Variants in TXNIP observed in about 807,000 individuals in gnomAD.
TXNIP encodes the protein thioredoxin interacting protein.
In TXNIP, 23 loss-of-function variants were observed where a neutral mutation model predicts 43.9. The observed-to-expected ratio is 0.52, with a 90% CI of 0.38 to 0.74. TXNIP has a LOEUF of 0.74. Ranked by LOEUF, TXNIP falls within the 30% of genes least tolerant of loss-of-function variation. The probability of loss-of-function intolerance (pLI) is 0.00; values close to 1 mark genes in which losing one functional copy is unlikely to be tolerated. For missense variants in TXNIP, 555 were observed against 485.4 expected (o/e 1.14, Z -1.35); for synonymous variants, 234 against 172.2 (o/e 1.36, Z -2.81).
intron 1 of TXNIP, chr1:145,995,689 AG>A (rs1553766430): frequency 1.6e-6 from 1 of 626,252 alleles, no homozygotes; most frequent in African/African-American, 1.8e-5. Context: ...CAATACTGAA[AG>A]ATTCACCCAG....
chr1:145,994,181 T>C lies in TXNIP; in HGVS notation c.989-14A>G. The C allele has an allele frequency of 3.1e-6, 5 of 1,613,650 alleles. No homozygotes were observed. The highest frequency in any genetic ancestry group is 3.4e-6 in the Non-Finnish European group (4 of 1,179,818). On this transcript the variant is annotated splice_polypyrimidine_tract_variant and intron_variant, in intron 6 of 7. Transcript: ENST00000582401. ...AGCAGGGAGGAGCTAGAAAAGAAAA[T>C]ATGGCCACATAAGAATCCTGCCCAA...
At chr1:145,994,502 G>C in intron 5 of TXNIP, 42 bp downstream of exon 5, 1 of 1,613,436 alleles carries the variant, frequency 6.2e-7, no homozygotes, top group Non-Finnish European at 8.5e-7. Flanking sequence ...TGTGGTAACA[G>C]ATGAACAATT....
At chr1:145,993,977 G>C (rs1553765831) in intron 7 of TXNIP, 39 bp downstream of exon 7, 2 of 1,613,886 alleles carry the variant, frequency 1.2e-6, no homozygotes, top group South Asian at 2.2e-5. Flanking sequence ...CTTATAGAAA[G>C]CTTAGGACAA....
rs1651225443 is a variant in TXNIP, at chr1:145,992,948, A to C, written c.*903T>G. 1 of 152,790 alleles carries C rather than the reference A, an allele frequency of 6.5e-6. No individual in the cohort carries two copies. The highest frequency in any genetic ancestry group is 2.4e-5 in the African/African-American group (1 of 41,576). 9.5% of individuals were successfully genotyped at this position (152,790 alleles called of 1,614,324 possible). A position where few individuals can be genotyped will look rare whatever the true frequency, so the allele number is the denominator to read the frequency against. On this transcript the variant is annotated 3_prime_UTR_variant, in exon 8 of 8. Coordinates refer to ENST00000582401, the MANE Select transcript of TXNIP (RefSeq NM_006472.6). ...CATTGGGGCAATCTCAAAAGTAGTA[A>C]AATTTTTTTTGTCTTTTGGCTTAAC...
chr1:145,994,110 G>C lies in TXNIP; in HGVS notation c.1046C>G (p.Thr349Ser), dbSNP rs1553765905. 1 of 1,614,198 alleles carries C rather than the reference G, an allele frequency of 6.2e-7. No individual in the cohort carries two copies. Among genetic ancestry groups the C allele is most frequent in the East Asian group, 2.2e-5 (1 of 44,890 alleles). The change falls in exon 7 of 8, where the codon ACT (threonine) becomes AGT (serine). Residue 349 changes from threonine (T) to serine (S), a missense_variant. By Grantham distance (58) the Thr-to-Ser change is moderately conservative. Coordinates refer to ENST00000582401, the MANE Select transcript of TXNIP (RefSeq NM_006472.6). ...PEDHRLESPT[T>S]PLLDDMDGSQ... ...GCCATCCATGTCATCTAGCAGAGGA[G>C]TGGTTGGGCTCTCCAATCGGTGATC...
Position 145,996,225 on chromosome 1 carries a change from A to G in TXNIP, c.42T>C (p.Phe14=), listed in dbSNP as rs1571022111. 1.2e-6 allele frequency: 2 copies of G among 1,614,084 alleles called. No individual in the cohort carries two copies. Among genetic ancestry groups the G allele is most frequent in the South Asian group, 2.2e-5 (2 of 91,082 alleles). The part of the protein sequence containing the change: ...FKKIKSFEVV[F]NDPEKVYGSG... ...TGCCGTACACCTTTTCAGGGTCGTT[A>G]AAGACCACCTCAAAAGACTTGATCT... Residue 14 remains phenylalanine (F), a synonymous_variant, in exon 1 of 8, where the codon TTT becomes TTC. Transcript: ENST00000582401.
chr1:145,994,504 T>C (rs1553766048), intron 5 of TXNIP, 40 bp downstream of exon 5: 2 of 1,613,446 alleles, frequency 1.2e-6, no homozygotes, highest in Middle Eastern at 1.6e-4. Flanking sequence ...TGGTAACAGA[T>C]GAACAATTTC....
rs782040268 is a variant in TXNIP, at chr1:145,993,728, G to A, written c.*123C>T. The A allele has an allele frequency of 6.1e-6, 7 of 1,140,232 alleles. No homozygotes were observed. Among genetic ancestry groups the A allele is most frequent in the Non-Finnish European group, 8.7e-6 (7 of 801,210 alleles). 70.6% of individuals were successfully genotyped at this position (1,140,232 alleles called of 1,614,324 possible). A position where few individuals can be genotyped will look rare whatever the true frequency, so the allele number is the denominator to read the frequency against. ...TGCTGACCACCTCCTACATTAGGAA[G>A]TCAGAGGCTAAGGTGGACCCACACT... is the stretch of plus-strand genomic sequence containing the variant. On this transcript the variant is annotated 3_prime_UTR_variant, in exon 8 of 8. Coordinates refer to ENST00000582401, the MANE Select transcript of TXNIP (RefSeq NM_006472.6).
chr1:145,994,956 G>C lies in TXNIP; in HGVS notation c.547C>G (p.Arg183Gly). ...TCACAGAATCCTTTTCTGTCAATTC[G>C]AGCAGAGACAGACACCCGCCCATCA... ...IPDGRVSVSA[R>G]IDRKGFCEGD... The change falls in exon 4 of 8, where the codon CGA (arginine) becomes GGA (glycine). Residue 183 changes from arginine (R) to glycine (G), a missense_variant. Coordinates refer to ENST00000582401, the MANE Select transcript of TXNIP (RefSeq NM_006472.6). 1 of 1,614,078 alleles carries C rather than the reference G, an allele frequency of 6.2e-7. No individual in the cohort carries two copies. Among genetic ancestry groups the C allele is most frequent in the East Asian group, 2.2e-5 (1 of 44,888 alleles).
chr1:145,994,937 A>G lies in TXNIP; in HGVS notation c.566T>C (p.Phe189Ser). Reference protein sequence around the residue: ...SVSARIDRKGFCEGDEISIHA... With the variant: ...SVSARIDRKGSCEGDEISIHA... ...AAGCACTAGGATTTTACCTTCACAG[A>G]ATCCTTTTCTGTCAATTCGAGCAGA... Residue 189 changes from phenylalanine to serine, a missense_variant, in exon 4 of 8, where the codon TTC (phenylalanine) becomes TCC (serine). Physicochemically the swap from Phe to Ser is radical, Grantham distance 155 (BLOSUM62 -2). Transcript: ENST00000582401. The G allele has an allele frequency of 6.2e-7, 1 of 1,614,162 alleles. No individual in the cohort carries two copies. Among genetic ancestry groups the G allele is most frequent in the Non-Finnish European group, 8.5e-7 (1 of 1,180,026 alleles).
In TXNIP at chr1:145,996,280, T is replaced by G. The variant is rs782487631; in HGVS notation, c.-14A>C. ...GAACATCACCATGATGGAACTGAGT[T>G]GGTTTTAAGAGTTAGAAATGACGGT... On this transcript the variant is annotated 5_prime_UTR_variant, in exon 1 of 8. Coordinates refer to ENST00000582401, the MANE Select transcript of TXNIP (RefSeq NM_006472.6). The G allele has an allele frequency of 5.0e-6, 8 of 1,609,420 alleles. No individual in the cohort carries two copies. In the East Asian group the frequency reaches 1.6e-4, roughly 31 times the overall value.
rs1458133180 is a variant in TXNIP at position 145,994,157 on chromosome 1, G to A, written c.999C>T (p.Cys333=). The change falls in exon 7 of 8, where the codon TGC becomes TGT. Residue 333 remains cysteine, a synonymous_variant. Transcript: ENST00000582401. The part of the protein sequence containing the change: ...NIPDTPEAPP[C]YMDVIPEDHR... ...GATCTTCAGGAATGACATCCATATA[G>A]CAGGGAGGAGCTAGAAAAGAAAATA... 1 of 1,614,086 alleles carries A rather than the reference G, an allele frequency of 6.2e-7. No individual in the cohort carries two copies. The highest frequency in any genetic ancestry group is 1.3e-5 in the African/African-American group (1 of 75,034).
Position 145,993,612 on chromosome 1 carries a change from A to G in TXNIP, c.*239T>C, listed in dbSNP as rs1235396722. ...TGGATGGGCCTGAGTTTTTCTAGTT[A>G]TTTTTAAACCCATCCAACAAACACC... On this transcript the variant is annotated 3_prime_UTR_variant, in exon 8 of 8. Transcript: ENST00000582401. 1 of 424,210 alleles carries G rather than the reference A, an allele frequency of 2.4e-6. No individual in the cohort carries two copies. Among genetic ancestry groups the G allele is most frequent in the African/African-American group, 2.0e-5 (1 of 50,320 alleles). The allele number at this position is 424,210 out of a possible 1,614,324, so 26.3% of individuals were successfully genotyped here. A position where few individuals can be genotyped will look rare whatever the true frequency, so the allele number is the denominator to read the frequency against.
Position 145,995,170 on chromosome 1 carries a change from C to T in TXNIP, c.445G>A (p.Val149Met), listed in dbSNP as rs782386119. ...TKKNFEVVDL[V>M]DVNTPDLMAP... ...ATTAAATCAGGGGTATTGACATCCA[C>T]CAGATCCACTACTTCAAAGTTTTTC... The change falls in exon 3 of 8, where the codon GTG (valine) becomes ATG (methionine). Residue 149 changes from valine to methionine, a missense_variant. Physicochemically the swap from Val to Met is conservative, Grantham distance 21. Coordinates refer to ENST00000582401, the MANE Select transcript of TXNIP (RefSeq NM_006472.6). 90 of 1,614,014 alleles carry T rather than the reference C, an allele frequency of 5.6e-5. No homozygotes were observed. Among genetic ancestry groups the T allele is most frequent in the Non-Finnish European group, 7.2e-5 (85 of 1,180,028 alleles).
chr1:145,994,438 C>T lies in TXNIP; in HGVS notation c.832-1G>A. ...TGGATCCAGGAACGCTAACATAGAT[C>T]TAGAAAGGAAGATGGCAGTTTATTA... On this transcript the variant is annotated splice_acceptor_variant, in intron 5 of 7. Transcript: ENST00000582401. LOFTEE classifies it high-confidence loss of function. 1.9e-6 allele frequency: 3 copies of T among 1,613,658 alleles called. No individual in the cohort carries two copies. The highest frequency in any genetic ancestry group is 2.5e-6 in the Non-Finnish European group (3 of 1,179,766).
chr1:145,994,202 C>T, intron 6 of TXNIP, 35 bp from the exon 7 acceptor site: 1 of 1,613,172 alleles, frequency 6.2e-7, no homozygotes, highest in Non-Finnish European at 8.5e-7. Flanking sequence ...AAGAATCCTG[C>T]CCAAGAAATG....
In TXNIP at chr1:145,993,785, G is replaced by GT. The variant is rs1553765752; in HGVS notation, c.*65dup. On this transcript the variant is annotated 3_prime_UTR_variant, in exon 8 of 8. Transcript: ENST00000582401. ...CAGAGACTGTTGAGTCTCTGAAAAA[G>GT]TGAGTGTCCAGGAAGAGAGACAAAA... 1.3e-6 allele frequency: 2 copies of GT among 1,585,736 alleles called. No individual in the cohort carries two copies. The highest frequency in any genetic ancestry group is 2.7e-5 in the African/African-American group (2 of 74,268).
At chr1:145,995,097 A>C in intron 3 of TXNIP, 47 bp downstream of exon 3, 1 of 1,613,458 alleles carries the variant, frequency 6.2e-7, no homozygotes, top group South Asian at 1.1e-5. Context: ...CGTCTGATTT[A>C]TCATCCTCAT....
In TXNIP at chr1:145,995,181, A is replaced by AC; in HGVS notation, c.433dup (p.Val145GlyfsTer11). ...GGTATTGACATCCACCAGATCCACTACTTCAAAGTTTTTCTTTGTCTCTTG... is the reference window on the plus strand; with the variant it reads ...GGTATTGACATCCACCAGATCCACTACCTTCAAAGTTTTTCTTTGTCTCTTG... On this transcript the variant is annotated frameshift_variant, in exon 3 of 8. Coordinates refer to ENST00000582401, the MANE Select transcript of TXNIP (RefSeq NM_006472.6). LOFTEE classifies it high-confidence loss of function. 6.2e-7 allele frequency: 1 copy of AC among 1,614,168 alleles called. No homozygotes were observed. Among genetic ancestry groups the AC allele is most frequent in the Non-Finnish European group, 8.5e-7 (1 of 1,180,032 alleles).
Sources: gnomAD v4.1 joint callset for allele counts on GRCh38, gnomAD v4.1.1 for gene constraint, MANE v1.5 for transcripts, NCBI Gene and HGNC (gene_info 2026-07-23, HGNC 2026-07-21) for gene names.